The following SLC25A13 variants were observed in gnomAD, a reference collection of about 807,000 sequenced individuals.
The protein encoded by SLC25A13 is solute carrier family 25 member 13.
Under a neutral mutation model 85.5 loss-of-function variants are expected in SLC25A13, and 70 were observed. The ratio of observed to expected loss-of-function variants is 0.82; its 90% CI spans 0.68 to 1.00. The LOEUF (loss-of-function observed/expected upper bound fraction) is 1.00. SLC25A13 is among the 50% of genes least tolerant of loss of function. The pLI is 0.00. For missense variants in SLC25A13, 765 were observed against 819.8 expected (o/e 0.93, Z 0.82); for synonymous variants, 259 against 288.7 (o/e 0.90, Z 1.04).
chr7:96,155,610 G>C (rs549698064), intron 13 of SLC25A13, among the ~76,000 whole-genome samples: 119 of 152,244 alleles, frequency 7.8e-4, no homozygotes, highest in African/African-American at 2.8e-3. Flanking sequence ...TACTAAGTGG[G>C]AGCAGTCATC....
intron 12 of SLC25A13, among the ~76,000 whole-genome samples, chr7:96,170,440 A>G (rs1342039834): frequency 6.6e-6 from 1 of 152,236 alleles, no homozygotes; most frequent in Non-Finnish European, 1.5e-5. Context: ...ACAAAATAAA[A>G]ACATACATCT....
At chr7:96,277,892 A>C (rs938022810) in intron 2 of SLC25A13, among the ~76,000 whole-genome samples, 2 of 152,078 alleles carry the variant, frequency 1.3e-5, no homozygotes, top group African/African-American at 2.4e-5. Flanking sequence ...ATGATACAAG[A>C]AAGGATGGCA....
intron 13 of SLC25A13, among the ~76,000 whole-genome samples, chr7:96,148,762 A>C (rs375860821): frequency 1.3e-5 from 2 of 152,140 alleles, no homozygotes; most frequent in East Asian, 3.9e-4. Context: ...TGGAAGAGAG[A>C]AGAGGCATAC....
At chr7:96,198,562 G>C (rs970926072) in intron 5 of SLC25A13, among the ~76,000 whole-genome samples, 5 of 152,166 alleles carry the variant, frequency 3.3e-5, no homozygotes, top group Admixed American at 3.3e-4. Context: ...ATTTTACACA[G>C]AGGCACCTGA....
chr7:96,290,323 G>A (rs1799066093), intron 2 of SLC25A13, among the ~76,000 whole-genome samples: 1 of 152,168 alleles, frequency 6.6e-6, no homozygotes, highest in Admixed American at 6.5e-5. Context: ...GCAAAAACAT[G>A]CCAAATTGTA....
Position 96,261,531 on chromosome 7 carries a change from C to A in SLC25A13, c.212+15665G>T, listed in dbSNP as rs529886312. On this transcript the variant is annotated intron_variant, in intron 3 of 17. Coordinates refer to ENST00000265631, the MANE Select transcript of SLC25A13 (RefSeq NM_014251.3). Reference sequence around the variant, plus strand: ...TCTTTCACCTTTTGCTTATTCCAGACTGAAGATCTCAAAACCTTTACATCA... The same window carrying A: ...TCTTTCACCTTTTGCTTATTCCAGAATGAAGATCTCAAAACCTTTACATCA... Among the ~76,000 whole-genome samples the A allele has an allele frequency of 8.4e-4, 128 of 152,130 alleles. 1 individual carries two copies. Among genetic ancestry groups the A allele is most frequent in the Non-Finnish European group, 8.7e-4 (59 of 68,034 alleles).
chr7:96,228,729 G>A (rs988394335), intron 4 of SLC25A13, among the ~76,000 whole-genome samples: 8 of 152,162 alleles, frequency 5.3e-5, no homozygotes, highest in Non-Finnish European at 8.8e-5. Flanking sequence ...GGCAGGAACC[G>A]TGGCTGCCCA....
intron 2 of SLC25A13, among the ~76,000 whole-genome samples, chr7:96,296,308 A>G (rs1799343653): frequency 6.6e-6 from 1 of 152,090 alleles, no homozygotes; most frequent in African/African-American, 2.4e-5. Flanking sequence ...CAATCCTGGA[A>G]AGGTAAATGG....
intron 1 of SLC25A13, among the ~76,000 whole-genome samples, chr7:96,301,395 T>C (rs1299437147): frequency 1.3e-5 from 2 of 152,218 alleles, no homozygotes; most frequent in African/African-American, 2.4e-5. Flanking sequence ...ATGATTCTTC[T>C]TCTGAATTTG....
chr7:96,127,138 A>T (rs1054606283), intron 15 of SLC25A13, among the ~76,000 whole-genome samples: 4 of 152,228 alleles, frequency 2.6e-5, no homozygotes, highest in Non-Finnish European at 4.4e-5. Context: ...GATAAAAATC[A>T]TCTGGTATGA....
In SLC25A13 at chr7:96,225,932, C is replaced by A. The variant is rs538807854; in HGVS notation, c.328+8870G>T. Among the ~76,000 whole-genome samples the A allele has an allele frequency of 4.7e-4, 72 of 152,238 alleles. 1 individual carries two copies. The Middle Eastern group carries it at 0.017, about 36-fold the overall frequency. On this transcript the variant is annotated intron_variant, in intron 4 of 17. Coordinates refer to ENST00000265631, the MANE Select transcript of SLC25A13 (RefSeq NM_014251.3). Reference sequence around the variant, plus strand: ...CCCGGGAAATGGCTATTATTTTCTGCCTGCGACAGTCTCCCCTCCTCCATC... The same window carrying A: ...CCCGGGAAATGGCTATTATTTTCTGACTGCGACAGTCTCCCCTCCTCCATC...
chr7:96,199,186 G>A (rs751183027), intron 5 of SLC25A13, among the ~76,000 whole-genome samples: 2 of 152,114 alleles, frequency 1.3e-5, no homozygotes, highest in African/African-American at 4.8e-5. Flanking sequence ...AGGGTGACAC[G>A]GGCAAGGATG....
At chr7:96,183,456 AG>A (rs1379148710) in intron 11 of SLC25A13, among the ~76,000 whole-genome samples, 1 of 152,158 alleles carries the variant, frequency 6.6e-6, no homozygotes, top group African/African-American at 2.4e-5. Context: ...AGGGGAGAGG[AG>A]GGAAAACTCT....
intron 3 of SLC25A13, among the ~76,000 whole-genome samples, chr7:96,250,481 G>C (rs893671799): frequency 3.9e-5 from 6 of 152,182 alleles, no homozygotes; most frequent in African/African-American, 1.2e-4. Flanking sequence ...GCGAGGACAT[G>C]CCGAATGGTT....
chr7:96,272,726 C>T (rs1410716852), intron 3 of SLC25A13, among the ~76,000 whole-genome samples: 2 of 151,902 alleles, frequency 1.3e-5, no homozygotes, highest in Non-Finnish European at 2.9e-5. Context: ...TTAAAGTATG[C>T]AAATCCAGTA....
chr7:96,208,875 C>A lies in SLC25A13; in HGVS notation c.431G>T (p.Arg144Ile). The change falls in exon 5 of 18, where the codon AGA (arginine) becomes ATA (isoleucine). Residue 144 changes from arginine (R) to isoleucine (I), a missense_variant. Transcript: ENST00000265631. ...VQLHFGKERK[R>I]HLTYAEFTQF... The stretch of plus-strand genomic sequence containing the variant: ...AGTAAATTCCGCATATGTCAGGTGT[C>A]TTTTTCTTTCTTTTCCAAAATGTAG... 6.2e-7 allele frequency: 1 copy of A among 1,614,048 alleles called. No individual in the cohort carries two copies. The highest frequency in any genetic ancestry group is 8.5e-7 in the Non-Finnish European group (1 of 1,179,984).
chr7:96,180,624 C>T (rs77586333), intron 11 of SLC25A13, among the ~76,000 whole-genome samples: 5,830 of 152,314 alleles, frequency 0.038, 163 homozygotes, highest in Admixed American at 0.084. Flanking sequence ...CCACCGTACC[C>T]GGCCATATTT....
chr7:96,318,743 T>A (rs1273317217), intron 1 of SLC25A13, among the ~76,000 whole-genome samples: 1 of 152,268 alleles, frequency 6.6e-6, no homozygotes, highest in Non-Finnish European at 1.5e-5. Flanking sequence ...GAAAACTAAT[T>A]GCTAGTTGTG....
rs758827458 is a variant in SLC25A13, at chr7:96,184,391, G to A, written c.1063C>T (p.Arg355Ter). ...AVYPIDLVKTRMQNQRSTGSF... is the reference protein window; with the variant it reads ...AVYPIDLVKT Reference sequence around the variant, plus strand: ...CCAGTTGATCGTTGGTTCTGCATTCGAGTTTTTACAAGATCGATAGGATAC... The same window carrying A: ...CCAGTTGATCGTTGGTTCTGCATTCAAGTTTTTACAAGATCGATAGGATAC... Residue 355 changes from arginine (R) to a stop codon, truncating the protein, a stop_gained, in exon 11 of 18, where the codon CGA becomes TGA. Coordinates refer to ENST00000265631, the MANE Select transcript of SLC25A13 (RefSeq NM_014251.3). LOFTEE classifies it high-confidence loss of function. 54 of 1,613,984 alleles carry A rather than the reference G, an allele frequency of 3.3e-5. No individual in the cohort carries two copies. Among genetic ancestry groups the A allele is most frequent in the Non-Finnish European group, 4.5e-5 (53 of 1,180,008 alleles).
Sources: allele counts gnomAD v4.1 joint callset (sites outside exome capture counted in the v4.1 genomes callset), GRCh38; gene constraint gnomAD v4.1.1; transcripts MANE v1.5; gene names NCBI Gene and HGNC (gene_info 2026-07-23, HGNC 2026-07-21).